SLC22A24: variants seen among roughly 807,000 people sequenced by gnomAD.
The protein encoded by SLC22A24 is solute carrier family 22 member 24.
SLC22A24 carries 53 observed loss-of-function variants against 49.8 expected under a neutral mutation model. That is an observed-to-expected ratio of 1.06 (90% CI 0.85 to 1.34). The LOEUF (loss-of-function observed/expected upper bound fraction) is 1.34, where lower values mean the gene tolerates loss of function less well. Ranked by LOEUF, SLC22A24 falls within the 40% of genes most tolerant of loss-of-function variation. The probability of loss-of-function intolerance (pLI) is 0.00; values close to 1 mark genes in which losing one functional copy is unlikely to be tolerated. For missense variants in SLC22A24, 786 were observed against 675.9 expected (o/e 1.16, Z -1.81); for synonymous variants, 302 against 256.4 (o/e 1.18, Z -1.70).
intron 4 of SLC22A24, among the ~76,000 whole-genome samples, chr11:63,111,291 G>C (rs1478366295): frequency 6.6e-6 from 1 of 151,952 alleles, no homozygotes; most frequent in Non-Finnish European, 1.5e-5. Context: ...GTTCATCAAG[G>C]GTATTGGTCT....
At chr11:63,120,059 G>C (rs372292462) in intron 2 of SLC22A24, among the ~76,000 whole-genome samples, 1 of 151,186 alleles carries the variant, frequency 6.6e-6, no homozygotes, top group Non-Finnish European at 1.5e-5. Flanking sequence ...AATTTTCTCC[G>C]ATTTTGTAGG....
At chr11:63,123,733 G>A (rs149159008) in intron 2 of SLC22A24, among the ~76,000 whole-genome samples, 9 of 152,218 alleles carry the variant, frequency 5.9e-5, no homozygotes, top group Non-Finnish European at 1.2e-4. Context: ...TCCCCCAATA[G>A]TGGAAAATAT....
Position 63,081,584 on chromosome 11 carries a change from G to T in SLC22A24, c.1368C>A (p.His456Gln). The stretch of plus-strand genomic sequence containing the variant: ...TCAATATGGTGGGGACGAGCTCGTT[G>T]TGGTGGACAGAAGCACTGTTGCTAG... The part of the protein sequence containing the change: ...SAASNSASVH[H>Q]NELVPTILRS... Residue 456 changes from histidine to glutamine, a missense_variant, in exon 8 of 10, where the codon CAC becomes CAA. Transcript: ENST00000612278. The T allele has an allele frequency of 6.4e-7, 1 of 1,551,458 alleles. No homozygotes were observed. The highest frequency in any genetic ancestry group is 8.7e-7 in the Non-Finnish European group (1 of 1,146,788).
intron 2 of SLC22A24, among the ~76,000 whole-genome samples, chr11:63,123,437 C>T (rs2087266199): frequency 6.6e-6 from 1 of 152,138 alleles, no homozygotes; most frequent in East Asian, 1.9e-4. Flanking sequence ...ACTTTCATAA[C>T]TATGAAAATA....
chr11:63,132,932 A>T (rs961088273), intron 2 of SLC22A24, among the ~76,000 whole-genome samples: 5 of 152,214 alleles, frequency 3.3e-5, no homozygotes, highest in African/African-American at 1.2e-4. Context: ...GAGAGGCAGT[A>T]GTCCTTACGG....
rs1189388055 is a variant in SLC22A24 at position 63,119,004 on chromosome 11, C to T, written c.738G>A (p.Met246Ile). The change falls in exon 4 of 10, where the codon ATG becomes ATA. Residue 246 changes from methionine to isoleucine, a missense_variant. Met to Ile is a conservative substitution (Grantham distance 10). Transcript: ENST00000612278. ...VLLCSYSVGQ[M>I]LLGGLAFAIQ... ...TGGCAAAAGCCAGCCCTCCTAGGAGCATCTGCCCAACACTGTAGGAACATA... is the reference window on the plus strand; with the variant it reads ...TGGCAAAAGCCAGCCCTCCTAGGAGTATCTGCCCAACACTGTAGGAACATA... The T allele has an allele frequency of 6.4e-7, 1 of 1,551,760 alleles. No individual in the cohort carries two copies.
intron 4 of SLC22A24, among the ~76,000 whole-genome samples, chr11:63,111,055 T>G (rs2087159949): frequency 1.3e-5 from 2 of 152,104 alleles, no homozygotes; most frequent in Non-Finnish European, 1.5e-5. Context: ...GTTTTTAGCA[T>G]GAAGGGTTGT....
intron 4 of SLC22A24, among the ~76,000 whole-genome samples, chr11:63,111,654 T>G (rs1590739155): frequency 6.6e-6 from 1 of 150,662 alleles, no homozygotes; most frequent in African/African-American, 2.4e-5. Context: ...TTTGTAGTAT[T>G]CTCTGATGGT....
chr11:63,081,657 A>G lies in SLC22A24; in HGVS notation c.1295T>C (p.Ile432Thr). The change falls in exon 8 of 10, where the codon ATC (isoleucine) becomes ACC (threonine). Residue 432 changes from isoleucine to threonine, a missense_variant. Ile to Thr is a moderately conservative substitution (Grantham distance 89). Transcript: ENST00000612278. Reference protein sequence around the residue: ...VNTFLPQEMQILRVVLATLGI... With the variant: ...VNTFLPQEMQTLRVVLATLGI... ...CAAAGTTGCTAAAACCACACGCAGG[A>G]TCTGCATTTCTAGAGAGAACAGTGA... 6.5e-7 allele frequency: 1 copy of G among 1,550,044 alleles called. No homozygotes were observed. The highest frequency in any genetic ancestry group is 1.2e-5 in the South Asian group (1 of 84,026).
rs2087436279 is a variant in SLC22A24, at chr11:63,144,087, T to A, written c.-308A>T. 3 of 221,198 alleles carry A rather than the reference T, an allele frequency of 1.4e-5. No individual in the cohort carries two copies. Among genetic ancestry groups the A allele is most frequent in the Non-Finnish European group, 1.8e-5 (2 of 113,228 alleles). 13.7% of individuals were successfully genotyped at this position (221,198 alleles called of 1,614,324 possible). On this transcript the variant is annotated 5_prime_UTR_variant, in exon 1 of 10. Transcript: ENST00000612278. ...TAAAAGACTACTCTGTGAAAGATCCTGATCTCTGAGTTTCCTGATAAGTCA... is the reference window on the plus strand; with the variant it reads ...TAAAAGACTACTCTGTGAAAGATCCAGATCTCTGAGTTTCCTGATAAGTCA...
intron 6 of SLC22A24, 45 bp downstream of exon 6, chr11:63,095,946 G>T: frequency 2.3e-6 from 3 of 1,315,216 alleles, no homozygotes; most frequent in Non-Finnish European, 3.2e-6. Context: ...AAACAGTTTT[G>T]TGTCTCCAAT....
intron 4 of SLC22A24, chr11:63,116,098 C>T (rs1273984560): frequency 1.0e-5 from 4 of 395,032 alleles, no homozygotes; most frequent in Non-Finnish European, 1.8e-5. Flanking sequence ...TTGAGCTTAA[C>T]TTCCTTGGGC....
At chr11:63,121,864 C>T (rs955173806) in intron 2 of SLC22A24, among the ~76,000 whole-genome samples, 1 of 152,030 alleles carries the variant, frequency 6.6e-6, no homozygotes, top group African/African-American at 2.4e-5. Context: ...TGTTCAATTC[C>T]CACCTATGAG....
At chr11:63,094,309 CTCA>C (rs1431944228) in intron 6 of SLC22A24, among the ~76,000 whole-genome samples, 4 of 151,686 alleles carry the variant, frequency 2.6e-5, no homozygotes, top group Non-Finnish European at 5.9e-5. Context: ...AGGACATGGA[CTCA>C]TCATTTTTTA....
chr11:63,121,515 T>TTAG (rs10688607), intron 2 of SLC22A24, among the ~76,000 whole-genome samples: 120,422 of 151,240 alleles, frequency 0.8, 48,974 homozygotes, highest in East Asian at 0.9. Context: ...TCTCAAAAAC[T>TTAG]TGGTGAATGA....
chr11:63,132,461 GT>G (rs2087343574), intron 2 of SLC22A24, among the ~76,000 whole-genome samples: 1 of 152,166 alleles, frequency 6.6e-6, no homozygotes, highest in Admixed American at 6.5e-5. Flanking sequence ...TACAGATGGG[GT>G]TTTGGTGTAG....
rs146733146 is a variant in SLC22A24, at chr11:63,101,676, A to G, written c.954+2499T>C. On this transcript the variant is annotated intron_variant, in intron 5 of 9. Transcript: ENST00000612278. The stretch of plus-strand genomic sequence containing the variant: ...CAGCAACATTCACAATAGCCAAGAT[A>G]TGGGGGCAACCTAAGTGTCCATCTA... Among the ~76,000 whole-genome samples the G allele has an allele frequency of 3.6e-4, 55 of 152,188 alleles. No individual in the cohort carries two copies. In the East Asian group the frequency reaches 0.01, roughly 28 times the overall value.
chr11:63,130,613 T>C (rs983198583), intron 2 of SLC22A24, among the ~76,000 whole-genome samples: 2 of 152,204 alleles, frequency 1.3e-5, no homozygotes, highest in Admixed American at 1.3e-4. Context: ...CTGGACTTTT[T>C]TTGATTGGTG....
intron 4 of SLC22A24, among the ~76,000 whole-genome samples, chr11:63,109,228 T>G (rs1285268636): frequency 8.2e-5 from 12 of 146,174 alleles, no homozygotes; most frequent in South Asian, 2.2e-4. Flanking sequence ...TGCCACATTT[T>G]CTTAATCCAG....
Sources: allele counts gnomAD v4.1 joint callset (sites outside exome capture counted in the v4.1 genomes callset), GRCh38; gene constraint gnomAD v4.1.1; transcripts MANE v1.5; gene names NCBI Gene and HGNC (gene_info 2026-07-23, HGNC 2026-07-21).